The following MAP4K1 variants were observed in gnomAD, a reference collection of about 807,000 sequenced individuals.
MAP4K1 encodes mitogen-activated protein kinase kinase kinase kinase 1, also known as MAPK/ERK kinase kinase kinase 1.
A neutral mutation model predicts 122.8 loss-of-function variants in MAP4K1; 35 were observed. That is an observed-to-expected ratio of 0.29 (90% CI 0.22 to 0.38). MAP4K1 has a LOEUF of 0.38. Among genes scored for constraint, MAP4K1 ranks in the 10% least tolerant of loss-of-function variants. The pLI, the probability that MAP4K1 is intolerant of heterozygous loss-of-function variation, is 1.00. For missense variants in MAP4K1, 791 were observed against 1,072.6 expected, an observed-to-expected ratio of 0.74 and a Z score of 3.67; for synonymous variants, 412 against 421.3, an observed-to-expected ratio of 0.98 and a Z score of 0.27.
In MAP4K1 at chr19:38,603,285, T is replaced by C. The variant is rs560818978; in HGVS notation, c.1447-1760A>G. On this transcript the variant is annotated intron_variant, in intron 19 of 30. Transcript: ENST00000396857. The stretch of plus-strand genomic sequence containing the variant: ...GCATATACATATATACACATACATA[T>C]ACACACACACATACATGTATACATA... Among the ~76,000 whole-genome samples the C allele has an allele frequency of 2.2e-3, 325 of 149,128 alleles. 2 individuals are homozygous for C. Among genetic ancestry groups the C allele is most frequent in the African/African-American group, 5.3e-3 (211 of 39,758 alleles).
At chr19:38,610,372 ATTTTTTTTTTTTTTT>A (rs35103992) in intron 11 of MAP4K1, among the ~76,000 whole-genome samples, 5 of 76,178 alleles carry the variant, frequency 6.6e-5, no homozygotes, top group Non-Finnish European at 9.6e-5. Flanking sequence ...CGCCCAGCTA[ATTTTTTTTTTTTTTT>A]TTTTTTTTTT....
rs2144742775 is a variant in MAP4K1 at position 38,614,303 on chromosome 19, G to T, written c.370-11C>A. 6.2e-7 allele frequency: 1 copy of T among 1,614,192 alleles called. No homozygotes were observed. The highest frequency in any genetic ancestry group is 8.5e-7 in the Non-Finnish European group (1 of 1,180,024). On this transcript the variant is annotated splice_polypyrimidine_tract_variant and intron_variant, in intron 5 of 30. Transcript: ENST00000396857. ...CAAATAGGCCAGTCCCTGGGGAGAA[G>T]GGTGGACAAGGGGACAGTGAGTGTT... is the stretch of plus-strand genomic sequence containing the variant.
intron 22 of MAP4K1, among the ~76,000 whole-genome samples, chr19:38,599,012 CA>C (rs944497385): frequency 0.016 from 609 of 38,006 alleles, 2 homozygotes; most frequent in Admixed American, 0.032. Context: ...GAGTCTATCT[CA>C]AAAAAAAAAA....
intron 29 of MAP4K1, among the ~76,000 whole-genome samples, chr19:38,595,216 G>A (rs1974836559): frequency 6.6e-6 from 1 of 152,080 alleles, no homozygotes; most frequent in Non-Finnish European, 1.5e-5. Flanking sequence ...GTGAACCCGG[G>A]AGGTGGAGGT....
Position 38,617,328 on chromosome 19 carries a change from G to A in MAP4K1, c.248+26C>T. On this transcript the variant is annotated intron_variant, in intron 3 of 30. Transcript: ENST00000396857. The surrounding 1 kb of genome is among the most constrained non-coding windows in gnomAD (Gnocchi z 4.1). ...CTCCGGGTTAGGGGCTGGGCTGGGT[G>A]CCAGGGTGGGTCTGAGGTTCATCAC... 2 of 1,551,668 alleles carry A rather than the reference G, an allele frequency of 1.3e-6. No individual in the cohort carries two copies. Among genetic ancestry groups the A allele is most frequent in the South Asian group, 1.1e-5 (1 of 89,808 alleles).
chr19:38,608,111 C>CGGTGTT lies in MAP4K1; in HGVS notation c.1060_1065dup (p.Asn354_Thr355dup). On this transcript the variant is annotated inframe_insertion and splice_region_variant. Coordinates refer to ENST00000396857, the MANE Select transcript of MAP4K1 (RefSeq NM_001042600.3). Reference sequence around the variant, plus strand: ...TGGGGAGTGGGGGGACAGCATCTCACGGTGTTGGCTGGGGGTCTGGTCTCC... The same window carrying CGGTGTT: ...TGGGGAGTGGGGGGACAGCATCTCACGGTGTTGGTGTTGGCTGGGGGTCTGGTCTCC... 1 of 1,540,632 alleles carries CGGTGTT rather than the reference C, an allele frequency of 6.5e-7. No individual in the cohort carries two copies. Among genetic ancestry groups the CGGTGTT allele is most frequent in the Non-Finnish European group, 8.7e-7 (1 of 1,145,006 alleles).
chr19:38,609,987 C>G lies in MAP4K1; in HGVS notation c.849G>C (p.Leu283=), dbSNP rs1335027538. ...TCAGTTTGTCAAGAAGATCCAGGAT[C>G]AGGCCTCGATTCAGCCCAGGCTGGG... ...LVSQPGLNRG[L]ILDLLDKLKN... Residue 283 remains leucine (L), a synonymous_variant, in exon 12 of 31, where the codon CTG becomes CTC. Coordinates refer to ENST00000396857, the MANE Select transcript of MAP4K1 (RefSeq NM_001042600.3). The G allele has an allele frequency of 1.2e-6, 2 of 1,614,078 alleles. No homozygotes were observed. The highest frequency in any genetic ancestry group is 1.7e-6 in the Non-Finnish European group (2 of 1,180,038).
rs1339110845 is a variant in MAP4K1, at chr19:38,605,591, C to T, written c.1340G>A (p.Ser447Asn). ...PRPGPPPSTSSPHLTAHSEPS... is the reference protein window; with the variant it reads ...PRPGPPPSTSNPHLTAHSEPS... ...ACCTGAATGGGCGGTGAGGTGGGGG[C>T]TGCTGGTGGATGGGGGAGGCCCAGG... The change falls in exon 18 of 31, where the codon AGC (serine) becomes AAC (asparagine). Residue 447 changes from serine (S) to asparagine (N), a missense_variant. Around this residue, in one of 4 missense-constraint regions of MAP4K1, gnomAD observed 303 missense variants for 344.8 expected, o/e 0.88. Transcript: ENST00000396857. The T allele has an allele frequency of 6.5e-7, 1 of 1,549,020 alleles. No individual in the cohort carries two copies. Among genetic ancestry groups the T allele is most frequent in the South Asian group, 1.2e-5 (1 of 84,714 alleles).
At position 38,617,943 on chromosome 19, in the gene MAP4K1, A is replaced by G. The variant is rs1009512465; in HGVS notation, c.-48T>C. Reference sequence around the variant, plus strand: ...TGCGCCCAGGGGCCAGCAGGGCCTCAGGGCTCAACTTCTGGCACCTCCCTC... The same window carrying G: ...TGCGCCCAGGGGCCAGCAGGGCCTCGGGGCTCAACTTCTGGCACCTCCCTC... On this transcript the variant is annotated 5_prime_UTR_variant, in exon 1 of 31. Transcript: ENST00000396857. The surrounding 1 kb of genome is among the most constrained non-coding windows in gnomAD (Gnocchi z 4.1). 1 of 1,522,162 alleles carries G rather than the reference A, an allele frequency of 6.6e-7. No homozygotes were observed. Among genetic ancestry groups the G allele is most frequent in the African/African-American group, 1.4e-5 (1 of 73,136 alleles). The allele number at this position is 1,522,162 out of a possible 1,614,324, so 94.3% of individuals were successfully genotyped here. A position where few individuals can be genotyped will look rare whatever the true frequency, so the allele number is the denominator to read the frequency against.
Position 38,595,663 on chromosome 19 carries a change from ATGGGGATCTCAGGTG to A in MAP4K1, c.2231_2245del (p.Thr744_Pro748del). 1 of 1,613,654 alleles carries A rather than the reference ATGGGGATCTCAGGTG, an allele frequency of 6.2e-7. No individual in the cohort carries two copies. The highest frequency in any genetic ancestry group is 8.5e-7 in the Non-Finnish European group (1 of 1,179,706). ...ACCCACGGCCTCCACCGCTTCGGTC[ATGGGGATCTCAGGTG>A]TGCGAAGTCCCCGGACTGGGGACCC... On this transcript the variant is annotated inframe_deletion, in exon 28 of 31. Coordinates refer to ENST00000396857, the MANE Select transcript of MAP4K1 (RefSeq NM_001042600.3).
intron 20 of MAP4K1, among the ~76,000 whole-genome samples, chr19:38,600,370 T>C (rs926242945): frequency 2.2e-4 from 33 of 152,150 alleles, no homozygotes; most frequent in Admixed American, 1.5e-3. Context: ...ACCCATATTC[T>C]GGTGGTTCTT....
At position 38,617,925 on chromosome 19, in the gene MAP4K1, A is replaced by T. The variant is rs1056312128; in HGVS notation, c.-30T>A. 1.3e-6 allele frequency: 2 copies of T among 1,578,758 alleles called. No individual in the cohort carries two copies. Among genetic ancestry groups the T allele is most frequent in the African/African-American group, 2.7e-5 (2 of 74,190 alleles). ...GGGGGCCTGAGCTGGGCCTGCGCCC[A>T]GGGGCCAGCAGGGCCTCAGGGCTCA... On this transcript the variant is annotated 5_prime_UTR_variant, in exon 1 of 31. Coordinates refer to ENST00000396857, the MANE Select transcript of MAP4K1 (RefSeq NM_001042600.3). The surrounding 1 kb of genome is among the most constrained non-coding windows in gnomAD (Gnocchi z 4.1).
At chr19:38,593,419 G>T in intron 29 of MAP4K1, 82 bp from the exon 30 acceptor site, 1 of 1,312,216 alleles carries the variant, frequency 7.6e-7, no homozygotes. Context: ...AAGACAGCAA[G>T]GAGCTGGGCA....
chr19:38,597,056 A>G lies in MAP4K1; in HGVS notation c.1919T>C (p.Met640Thr). The G allele has an allele frequency of 6.2e-7, 1 of 1,614,104 alleles. No homozygotes were observed. The highest frequency in any genetic ancestry group is 8.5e-7 in the Non-Finnish European group (1 of 1,179,992). Residue 640 changes from methionine (M) to threonine (T), a missense_variant, in exon 25 of 31, where the codon ATG (methionine) becomes ACG (threonine). Physicochemically the swap from Met to Thr is moderately conservative, Grantham distance 81. Transcript: ENST00000396857. This position sits in a 1 kb window ranked among gnomAD's most constrained non-coding sequence, Gnocchi z 4.6. ...TACCCGGACAAGCAGGAATTTGTTC[A>G]TGGGCTGGTACCACTGAAGCAGGAC... ...SVVLLQWYQP[M>T]NKFLLVRQVL... is the part of the protein sequence containing the mutation.
intron 17 of MAP4K1, 121 bp from the exon 18 acceptor site, chr19:38,605,851 C>T (rs1244353019): frequency 1.9e-5 from 18 of 955,570 alleles, no homozygotes; most frequent in Middle Eastern, 2.2e-4. Flanking sequence ...CCCACCCCCC[C>T]GACAACATCT....
intron 16 of MAP4K1, among the ~76,000 whole-genome samples, chr19:38,607,263 TAAG>T (rs1975355723): frequency 6.6e-6 from 1 of 151,602 alleles, no homozygotes; most frequent in African/African-American, 2.4e-5. Flanking sequence ...AAAGATTGTA[TAAG>T]AAGATGGAAG....
chr19:38,591,345 A>AT (rs376652229), intron 30 of MAP4K1, among the ~76,000 whole-genome samples: 11 of 151,876 alleles, frequency 7.2e-5, no homozygotes, highest in African/African-American at 2.4e-4. Flanking sequence ...CCTAACCACC[A>AT]TGATGAAAGC....
intron 30 of MAP4K1, 52 bp downstream of exon 30, chr19:38,593,228 CTT>C: frequency 6.4e-7 from 1 of 1,552,464 alleles, no homozygotes. Flanking sequence ...AGAATGCTCT[CTT>C]CACATCAGAA....
intron 29 of MAP4K1, among the ~76,000 whole-genome samples, chr19:38,594,817 T>C (rs1974820849): frequency 6.6e-6 from 1 of 151,854 alleles, no homozygotes; most frequent in Admixed American, 6.6e-5. Flanking sequence ...GGCATGCACC[T>C]GTAGTCTCAG....
Sources: gnomAD v4.1 joint callset for allele counts (sites outside exome capture counted in the v4.1 genomes callset) on GRCh38, gnomAD v4.1.1 for gene constraint, gnomAD v4.1.1 regional missense constraint, Gnocchi (gnomAD v3.1) non-coding constraint, MANE v1.5 for transcripts, NCBI Gene and HGNC (gene_info 2026-07-23, HGNC 2026-07-21) for gene names.